Variants in NOD2 observed in about 807,000 individuals in gnomAD.
NOD2 encodes the protein nucleotide-binding oligomerization domain-containing protein 2.
Under a neutral mutation model 90.9 loss-of-function variants are expected in NOD2, and 86 were observed. That is an observed-to-expected ratio of 0.95 (90% CI 0.79 to 1.13). The LOEUF is 1.13. Ranked by LOEUF, NOD2 falls within the 50% of genes most tolerant of loss-of-function variation. NOD2 has a pLI of 0.00. For synonymous variants in NOD2, 581 were observed against 554.6 expected, an observed-to-expected ratio of 1.05 and a Z score of -0.67; for missense variants, 1,238 against 1,283.8, an observed-to-expected ratio of 0.96 and a Z score of 0.55.
intron 4 of NOD2, among the ~76,000 whole-genome samples, chr16:50,714,529 C>T (rs1339478600): frequency 6.6e-6 from 1 of 152,074 alleles, no homozygotes; most frequent in Non-Finnish European, 1.5e-5. Context: ...TTTTACTGCT[C>T]TTCACCTTAC....
At chr16:50,716,540 T>C in intron 4 of NOD2, 47 bp from the exon 5 acceptor site, 1 of 1,541,944 alleles carries the variant, frequency 6.5e-7, no homozygotes, top group East Asian at 2.3e-5. Flanking sequence ...GATTTTTTTC[T>C]TGTCTTACTA....
At position 50,732,570 on chromosome 16, in the gene NOD2, A is replaced by G. The variant is rs541292537; in HGVS notation, c.*751A>G. The G allele has an allele frequency of 6.6e-6, 1 of 152,642 alleles. No individual in the cohort carries two copies. The highest frequency in any genetic ancestry group is 2.1e-4 in the South Asian group (1 of 4,840). 9.5% of individuals were successfully genotyped at this position (152,642 alleles called of 1,614,324 possible). A position where few individuals can be genotyped will look rare whatever the true frequency, so the allele number is the denominator to read the frequency against. The stretch of plus-strand genomic sequence containing the variant: ...ATGACCACACTCCAGCTGGGATCAC[A>G]TGTGGACTTTTATTTCCAGTGAAAT... On this transcript the variant is annotated 3_prime_UTR_variant, in exon 12 of 12. Transcript: ENST00000647318.
At chr16:50,727,547 G>T in intron 10 of NOD2, 1 of 275,350 alleles carries the variant, frequency 3.6e-6, no homozygotes, top group Non-Finnish European at 7.2e-6. Flanking sequence ...CTCTTGGAAA[G>T]CATTTTCTGC....
intron 1 of NOD2, among the ~76,000 whole-genome samples, chr16:50,698,222 G>A (rs79877183): frequency 0.027 from 4,182 of 152,312 alleles, 144 homozygotes; most frequent in East Asian, 0.092. Context: ...TGACCATGCT[G>A]AGAGATTTTC....
rs533618528 is a variant in NOD2 at position 50,712,201 on chromosome 16, G to A, written c.2209G>A (p.Val737Ile). Residue 737 changes from valine to isoleucine, a missense_variant, in exon 4 of 12, where the codon GTT becomes ATT. Around this residue, in one of 3 missense-constraint regions of NOD2, gnomAD observed 667 missense variants for 688.7 expected, o/e 0.97. Coordinates refer to ENST00000647318, the MANE Select transcript of NOD2 (RefSeq NM_001370466.1). ...LARKAARGLN[V>I]GHLKLTFCSV... is the part of the protein sequence containing the mutation. ...TCGGAAGGCTGCACGTGGCCTGAAT[G>A]TTGGGCACCTCAAGTTGACATTTTG... 1 of 1,613,982 alleles carries A rather than the reference G, an allele frequency of 6.2e-7. No homozygotes were observed. The highest frequency in any genetic ancestry group is 2.2e-5 in the East Asian group (1 of 44,890).
chr16:50,716,728 C>T (rs1387170825), intron 5 of NOD2, 58 bp downstream of exon 5: 16 of 1,555,368 alleles, frequency 1.0e-5, no homozygotes, highest in Admixed American at 3.3e-5. Flanking sequence ...CACCCCAGGT[C>T]GTGCAGCCTG....
chr16:50,715,463 A>T (rs9925315), intron 4 of NOD2: 91,596 of 151,270 alleles, frequency 0.61, 28,589 homozygotes, highest in Non-Finnish European at 0.67. Flanking sequence ...TTGCCCAGGC[A>T]GGGGGTACAG....
intron 7 of NOD2, among the ~76,000 whole-genome samples, chr16:50,721,960 A>G (rs1014648681): frequency 6.6e-6 from 1 of 152,246 alleles, no homozygotes; most frequent in African/African-American, 2.4e-5. Flanking sequence ...ATACCTAATG[A>G]ATGAAAGTAC....
At chr16:50,710,340 A>G (rs1487793411) in intron 3 of NOD2, among the ~76,000 whole-genome samples, 1 of 152,250 alleles carries the variant, frequency 6.6e-6, no homozygotes, top group Non-Finnish European at 1.5e-5. Context: ...GTAGTGACCA[A>G]CATTTCTCCC....
intron 2 of NOD2, among the ~76,000 whole-genome samples, chr16:50,700,936 G>A (rs1963913926): frequency 6.6e-6 from 1 of 152,210 alleles, no homozygotes; most frequent in South Asian, 2.1e-4. Context: ...GCAGAGACCA[G>A]AAGGTCAGAG....
intron 3 of NOD2, 56 bp downstream of exon 3, chr16:50,708,016 G>A: frequency 1.6e-6 from 2 of 1,217,304 alleles, no homozygotes; most frequent in East Asian, 4.6e-5. Context: ...GCAGATCCAT[G>A]GTTAAGAGCA....
rs571102620 is a variant in NOD2, at chr16:50,699,742, G to T, written c.247G>T (p.Ala83Ser). ...CQKLIAAAQEAQADSQSPKLH... is the reference protein window; with the variant it reads ...CQKLIAAAQESQADSQSPKLH... ...GAAGCTCATCGCGGCTGCCCAAGAAGCCCAGGCCGACAGCCAGTCCCCCAA... is the reference window on the plus strand; with the variant it reads ...GAAGCTCATCGCGGCTGCCCAAGAATCCCAGGCCGACAGCCAGTCCCCCAA... The change falls in exon 2 of 12, where the codon GCC becomes TCC. Residue 83 changes from alanine (A) to serine (S), a missense_variant. Ala to Ser is a moderately conservative substitution (Grantham distance 99). Around this residue, in one of 3 missense-constraint regions of NOD2, gnomAD observed 567 missense variants for 577.3 expected, o/e 0.98. Transcript: ENST00000647318. 4 of 1,614,052 alleles carry T rather than the reference G, an allele frequency of 2.5e-6. No individual in the cohort carries two copies. The highest frequency in any genetic ancestry group is 3.4e-6 in the Non-Finnish European group (4 of 1,180,022).
At chr16:50,715,241 T>A (rs760997550) in intron 4 of NOD2, among the ~76,000 whole-genome samples, 2 of 152,112 alleles carry the variant, frequency 1.3e-5, no homozygotes, top group Non-Finnish European at 2.9e-5. Context: ...CGAATGCTCA[T>A]AATAATGGTT....
chr16:50,722,662 C>T lies in NOD2; in HGVS notation c.2674C>T (p.Leu892=). ...NRVGDEGAQA[L]AEALGDHQSL... ...AGTGGGTGACGAGGGGGCCCAGGCCCTGGCTGAAGCCTTGGGTGATCACCA... is the reference window on the plus strand; with the variant it reads ...AGTGGGTGACGAGGGGGCCCAGGCCTTGGCTGAAGCCTTGGGTGATCACCA... Residue 892 remains leucine, a synonymous_variant, in exon 8 of 12, where the codon CTG becomes TTG. Coordinates refer to ENST00000647318, the MANE Select transcript of NOD2 (RefSeq NM_001370466.1). 1 of 1,614,248 alleles carries T rather than the reference C, an allele frequency of 6.2e-7. No individual in the cohort carries two copies. The highest frequency in any genetic ancestry group is 1.3e-5 in the African/African-American group (1 of 75,070).
At chr16:50,695,372 G>T (rs971123589) in intron 1 of NOD2, among the ~76,000 whole-genome samples, 1 of 152,184 alleles carries the variant, frequency 6.6e-6, no homozygotes, top group African/African-American at 2.4e-5. Context: ...TGTTTGGCTC[G>T]AGCTTCTGGA....
intron 3 of NOD2, 104 bp from the exon 4 acceptor site, chr16:50,710,454 T>C: frequency 6.6e-7 from 1 of 1,520,476 alleles, no homozygotes; most frequent in Non-Finnish European, 9.1e-7. Context: ...CTGGCTCTCC[T>C]ATCCCTTCAG....
intron 1 of NOD2, among the ~76,000 whole-genome samples, chr16:50,699,085 G>C (rs1055551787): frequency 6.6e-6 from 1 of 151,986 alleles, no homozygotes; most frequent in Non-Finnish European, 1.5e-5. Context: ...TCGCCACCAC[G>C]CCTGGCTAAT....
intron 10 of NOD2, among the ~76,000 whole-genome samples, chr16:50,726,603 A>C (rs1965274447): frequency 6.6e-6 from 1 of 152,168 alleles, no homozygotes; most frequent in African/African-American, 2.4e-5. Context: ...GCCCATTATC[A>C]ACCAGGTGTG....
chr16:50,709,613 G>A (rs934793353), intron 3 of NOD2, among the ~76,000 whole-genome samples: 1 of 152,156 alleles, frequency 6.6e-6, no homozygotes, highest in Admixed American at 6.5e-5. Context: ...ACTCTTGTTC[G>A]AGTGCTCAGC....
Sources: gnomAD v4.1 joint callset for allele counts (sites outside exome capture counted in the v4.1 genomes callset) on GRCh38, gnomAD v4.1.1 for gene constraint, gnomAD v4.1.1 regional missense constraint, MANE v1.5 for transcripts, NCBI Gene and HGNC (gene_info 2026-07-23, HGNC 2026-07-21) for gene names.